Variants in ZNF609 observed in about 807,000 individuals in gnomAD.
ZNF609 encodes zinc finger protein 609.
ZNF609 carries 11 observed loss-of-function variants against 109.5 expected under a neutral mutation model. The observed-to-expected ratio is 0.10, with a 90% CI of 0.06 to 0.17. The LOEUF (loss-of-function observed/expected upper bound fraction) is 0.17, where lower values mean the gene tolerates loss of function less well. ZNF609 is among the 10% of genes least tolerant of loss of function. The pLI is 1.00. For missense variants in ZNF609, 1,559 were observed against 1,772.4 expected, an observed-to-expected ratio of 0.88 and a Z score of 2.16; for synonymous variants, 646 against 662.0, an observed-to-expected ratio of 0.98 and a Z score of 0.37.
rs142662775 is a variant in ZNF609, at chr15:64,641,484, G to A, written c.973+18432G>A. On this transcript the variant is annotated intron_variant, in intron 3 of 9. Transcript: ENST00000326648. ...CCACCTCGGCCTCCCAAAGTGCTGGGATTACAGGAGTGAGCCACCGCGCCT... is the reference window on the plus strand; with the variant it reads ...CCACCTCGGCCTCCCAAAGTGCTGGAATTACAGGAGTGAGCCACCGCGCCT... Among the ~76,000 whole-genome samples the A allele has an allele frequency of 6.2e-3, 949 of 152,038 alleles. 5 individuals are homozygous for A. The highest frequency in any genetic ancestry group is 0.024 in the Middle Eastern group (7 of 294).
chr15:64,628,484 C>A (rs943679978), intron 3 of ZNF609, among the ~76,000 whole-genome samples: 1 of 151,604 alleles, frequency 6.6e-6, no homozygotes, highest in Non-Finnish European at 1.5e-5. Context: ...TGGTGAAACC[C>A]CGTCTCTACT....
At position 64,524,983 on chromosome 15, in the gene ZNF609, G is replaced by T. The variant is rs78017771; in HGVS notation, c.747+24817G>T. Reference sequence around the variant, plus strand: ...TTTCCCCACACTTTCAACAATACTTGTTATTGTTCATTTGTTTAATAATAG... The same window carrying T: ...TTTCCCCACACTTTCAACAATACTTTTTATTGTTCATTTGTTTAATAATAG... On this transcript the variant is annotated intron_variant, in intron 2 of 9. Transcript: ENST00000326648. Among the ~76,000 whole-genome samples, 1,488 of 152,244 alleles carry T rather than the reference G, an allele frequency of 9.8e-3. 23 individuals carry two copies. The highest frequency in any genetic ancestry group is 0.034 in the African/African-American group (1,408 of 41,548).
chr15:64,560,349 C>T (rs1304005774), intron 2 of ZNF609, among the ~76,000 whole-genome samples: 1 of 151,502 alleles, frequency 6.6e-6, no homozygotes, highest in Non-Finnish European at 1.5e-5. Context: ...CCCAGCGTCT[C>T]TCTGGTTTTT....
intron 2 of ZNF609, among the ~76,000 whole-genome samples, chr15:64,581,039 G>C (rs887417816): frequency 6.8e-6 from 1 of 147,022 alleles, no homozygotes; most frequent in East Asian, 2.0e-4. Context: ...TTTTAGAGAC[G>C]GGGGTCTCAC....
chr15:64,564,307 G>T (rs1256426380), intron 2 of ZNF609, among the ~76,000 whole-genome samples: 1 of 152,028 alleles, frequency 6.6e-6, no homozygotes, highest in Non-Finnish European at 1.5e-5. Context: ...AGGGTAGGGG[G>T]GACTACTGTA....
At chr15:64,600,650 A>AAAGC (rs1895482121) in intron 2 of ZNF609, among the ~76,000 whole-genome samples, 1 of 110,222 alleles carries the variant, frequency 9.1e-6, no homozygotes, top group East Asian at 3.1e-4. Context: ...AGAAAGAAAG[A>AAAGC]AAGCAGGGAT....
chr15:64,529,310 G>A, intron 2 of ZNF609: 1 of 719,016 alleles, frequency 1.4e-6, no homozygotes, highest in Non-Finnish European at 2.6e-6. Context: ...GGACAGAGAT[G>A]TTGACCCTTT....
At chr15:64,498,297 G>T (rs1237564044) in intron 1 of ZNF609, among the ~76,000 whole-genome samples, 1 of 152,078 alleles carries the variant, frequency 6.6e-6, no homozygotes, top group Admixed American at 6.6e-5. Context: ...TGATTAGCCT[G>T]CCTCTGCCTC....
intron 1 of ZNF609, among the ~76,000 whole-genome samples, chr15:64,461,677 G>A (rs890066996): frequency 6.6e-6 from 1 of 152,112 alleles, no homozygotes. Context: ...GCCCTTCAGG[G>A]GGAATATTTC....
At chr15:64,618,781 C>T (rs1457656629) in intron 2 of ZNF609, among the ~76,000 whole-genome samples, 2 of 152,168 alleles carry the variant, frequency 1.3e-5, no homozygotes, top group Admixed American at 6.5e-5. Flanking sequence ...AACGCCCTCT[C>T]GAGGTCCAGC....
intron 1 of ZNF609, among the ~76,000 whole-genome samples, chr15:64,491,253 C>T (rs72741357): frequency 6.6e-6 from 1 of 152,024 alleles, no homozygotes. Context: ...GAGGGAGATG[C>T]CTGTTTTTAT....
chr15:64,502,419 A>G (rs1025991612), intron 2 of ZNF609: 7 of 152,196 alleles, frequency 4.6e-5, no homozygotes, highest in Non-Finnish European at 4.4e-5. Flanking sequence ...GAAGTTAGGA[A>G]CCATGCAGAG....
rs71133459 is a variant in ZNF609 at position 64,614,810 on chromosome 15, C to CTTT, written c.748-7992_748-7990dup. Among the ~76,000 whole-genome samples, 26 of 34,376 alleles carry CTTT rather than the reference C, an allele frequency of 7.6e-4. 4 individuals are homozygous for CTTT. In the South Asian group the frequency reaches 9.0e-3, roughly 12 times the overall value. 22.6% of individuals were successfully genotyped at this position (34,376 alleles called of 152,430 possible). ...GATTATTGGTAAAGATAACATCTCG[C>CTTT]TTTTTTTTTTTTTTTTTTTTTTTTT... is the stretch of plus-strand genomic sequence containing the variant. On this transcript the variant is annotated intron_variant, in intron 2 of 9. Coordinates refer to ENST00000326648, the MANE Select transcript of ZNF609 (RefSeq NM_015042.2).
intron 2 of ZNF609, among the ~76,000 whole-genome samples, chr15:64,576,940 A>AT (rs1186239708): frequency 3.1e-4 from 41 of 134,208 alleles, no homozygotes; most frequent in African/African-American, 1.0e-3. Flanking sequence ...ATATACATAT[A>AT]AATATATACA....
At chr15:64,677,744 A>G (rs528901591) in intron 5 of ZNF609, among the ~76,000 whole-genome samples, 1 of 152,264 alleles carries the variant, frequency 6.6e-6, no homozygotes, top group East Asian at 1.9e-4. Flanking sequence ...TAAGCTTTCC[A>G]GTCCCTGAGC....
intron 2 of ZNF609, among the ~76,000 whole-genome samples, chr15:64,505,932 A>G (rs1893629911): frequency 2.0e-5 from 3 of 152,048 alleles, no homozygotes; most frequent in African/African-American, 7.2e-5. Context: ...CTGTGATCGC[A>G]CTAGTGCACT....
chr15:64,578,001 A>C (rs1301089578), intron 2 of ZNF609, among the ~76,000 whole-genome samples: 1 of 151,794 alleles, frequency 6.6e-6, no homozygotes, highest in African/African-American at 2.4e-5. Context: ...TCCCTGCAAG[A>C]AAACAGAAAA....
intron 3 of ZNF609, among the ~76,000 whole-genome samples, chr15:64,630,596 G>A (rs977342142): frequency 1.3e-5 from 2 of 151,204 alleles, no homozygotes; most frequent in Admixed American, 1.3e-4. Flanking sequence ...GAGTTTCACT[G>A]TCTCCCCCAG....
intron 1 of ZNF609, among the ~76,000 whole-genome samples, chr15:64,493,336 C>T (rs1317651777): frequency 6.6e-6 from 1 of 151,992 alleles, no homozygotes. Flanking sequence ...TTGTTCATTC[C>T]TGAGGTAGAA....
Sources: gnomAD v4.1 joint callset for allele counts (sites outside exome capture counted in the v4.1 genomes callset) on GRCh38, gnomAD v4.1.1 for gene constraint, MANE v1.5 for transcripts, NCBI Gene and HGNC (gene_info 2026-07-23, HGNC 2026-07-21) for gene names.